BTD: variants seen among roughly 807,000 people sequenced by gnomAD.
BTD encodes the protein biotinidase.
In BTD, 13 loss-of-function variants were observed where a neutral mutation model predicts 17.7. The ratio of observed to expected loss-of-function variants is 0.74; its 90% CI spans 0.48 to 1.17. The LOEUF is 1.17. BTD is among the 50% of genes most tolerant of loss of function. BTD has a pLI of 0.00. For synonymous variants in BTD, 240 were observed against 245.2 expected, an observed-to-expected ratio of 0.98 and a Z score of 0.20; for missense variants, 674 against 650.4, an observed-to-expected ratio of 1.04 and a Z score of -0.39.
At position 15,647,131 on chromosome 3, in the gene BTD, G is replaced by GAAGT. The variant is rs997383450; in HGVS notation, c.*1644_*1647dup. On this transcript the variant is annotated 3_prime_UTR_variant, in exon 4 of 4. Coordinates refer to ENST00000643237, the MANE Select transcript of BTD (RefSeq NM_001370658.1). ...AAGCCTTGGGTTCCCCACGCCCTAG[G>GAAGT]AAGTCCCTCTGGAAGGGGAGCAGGA... is the stretch of plus-strand genomic sequence containing the variant. 6.6e-6 allele frequency: 1 copy of GAAGT among 152,206 alleles called. No homozygotes were observed. The highest frequency in any genetic ancestry group is 2.4e-5 in the African/African-American group (1 of 41,426). 9.4% of individuals were successfully genotyped at this position (152,206 alleles called of 1,614,324 possible).
At chr3:15,685,508 G>T in intron 3 of BTD, 1 of 1,509,670 alleles carries the variant, frequency 6.6e-7, no homozygotes, top group Non-Finnish European at 9.2e-7. Flanking sequence ...GCCAATTTCA[G>T]CTAATTAAAA....
downstream of BTD, among the ~76,000 whole-genome samples, chr3:15,717,422 G>A (rs983174916): frequency 2.0e-5 from 3 of 152,036 alleles, no homozygotes; most frequent in African/African-American, 2.4e-5. Flanking sequence ...ACACGTTAGC[G>A]GGGAGAAGGC....
chr3:15,670,959 T>C (rs534480548), intron 3 of BTD, among the ~76,000 whole-genome samples: 21 of 152,252 alleles, frequency 1.4e-4, no homozygotes, highest in African/African-American at 4.6e-4. Context: ...TAAGAAAAAA[T>C]AAAAAAATTT....
At chr3:15,601,958 C>T in intron 1 of BTD, 64 bp downstream of exon 1, 1 of 1,593,542 alleles carries the variant, frequency 6.3e-7, no homozygotes, top group Non-Finnish European at 8.6e-7. Flanking sequence ...CAGACCCCGC[C>T]CCGGGCGCCC....
intron 3 of BTD, chr3:15,667,187 G>C (rs2066021708): frequency 6.6e-6 from 1 of 152,176 alleles, no homozygotes; most frequent in Admixed American, 6.5e-5. Flanking sequence ...TTCAATGCTA[G>C]ACAGTTTAAG....
chr3:15,614,598 CTTT>C (rs869155456), intron 1 of BTD, among the ~76,000 whole-genome samples: 13 of 125,208 alleles, frequency 1.0e-4, no homozygotes, highest in Admixed American at 2.3e-4. Flanking sequence ...ATATCTTTTT[CTTT>C]TTTTTTTTTT....
chr3:15,614,719 C>T (rs1277786614), intron 1 of BTD, among the ~76,000 whole-genome samples: 2 of 151,780 alleles, frequency 1.3e-5, no homozygotes, highest in Non-Finnish European at 2.9e-5. Flanking sequence ...ACCTTAGCCA[C>T]CCAAGTAGCT....
chr3:15,644,724 G>C lies in BTD; in HGVS notation c.808G>C (p.Val270Leu). 1 of 1,614,204 alleles carries C rather than the reference G, an allele frequency of 6.2e-7. No individual in the cohort carries two copies. The highest frequency in any genetic ancestry group is 1.3e-5 in the African/African-American group (1 of 75,046). Residue 270 changes from valine to leucine, a missense_variant, in exon 4 of 4, where the codon GTT (valine) becomes CTT (leucine). By Grantham distance (32) the Val-to-Leu change is conservative. Transcript: ENST00000643237. ...AATTGAGATTCAGAAAGCTTTTGCT[G>C]TTGCCTTTGGCATCAACGTTCTGGC... ...AAIEIQKAFAVAFGINVLAAN... is the reference protein window; with the variant it reads ...AAIEIQKAFALAFGINVLAAN...
At chr3:15,675,654 G>A (rs140953006) in intron 3 of BTD, among the ~76,000 whole-genome samples, 339 of 152,304 alleles carry the variant, frequency 2.2e-3, no homozygotes, top group African/African-American at 7.8e-3. Flanking sequence ...ACAACAGAAA[G>A]TGGCAAGTAT....
chr3:15,677,777 A>G (rs2067100170), intron 3 of BTD, among the ~76,000 whole-genome samples: 1 of 152,234 alleles, frequency 6.6e-6, no homozygotes, highest in Non-Finnish European at 1.5e-5. Context: ...AACAATGGCA[A>G]TTAACATTTA....
intron 3 of BTD, chr3:15,690,127 G>A (rs773491288): frequency 1.2e-6 from 2 of 1,611,130 alleles, no homozygotes; most frequent in South Asian, 2.2e-5. Flanking sequence ...AAAGCTGCAA[G>A]ATCTAGGGGT....
In BTD at chr3:15,645,515, C is replaced by T; in HGVS notation, c.*27C>T. Reference sequence around the variant, plus strand: ...AAAAGTGTGTGGTCTGTGGGGCGGACTCTGGCCATCATGTTGACAGCCTTG... The same window carrying T: ...AAAAGTGTGTGGTCTGTGGGGCGGATTCTGGCCATCATGTTGACAGCCTTG... On this transcript the variant is annotated 3_prime_UTR_variant, in exon 4 of 4. Coordinates refer to ENST00000643237, the MANE Select transcript of BTD (RefSeq NM_001370658.1). 1 of 1,598,512 alleles carries T rather than the reference C, an allele frequency of 6.3e-7. No homozygotes were observed. Among genetic ancestry groups the T allele is most frequent in the Non-Finnish European group, 8.5e-7 (1 of 1,179,158 alleles).
chr3:15,689,561 TTCA>T lies in BTD; in HGVS notation c.400-20497_400-20495del, dbSNP rs901848301. ...CATCTTTTGTGCAGAGGAGCTTCTT[TTCA>T]TGAGAGCAGGACAGTTTTAATGACT... On this transcript the variant is annotated intron_variant, in intron 3 of 3. Transcript: ENST00000672141. Among the ~76,000 whole-genome samples, 20 of 152,326 alleles carry T rather than the reference TTCA, an allele frequency of 1.3e-4. No homozygotes were observed. In the South Asian group the frequency reaches 1.7e-3, roughly 13 times the overall value.
At chr3:15,614,490 T>A (rs557590338) in intron 1 of BTD, among the ~76,000 whole-genome samples, 2 of 152,262 alleles carry the variant, frequency 1.3e-5, no homozygotes, top group South Asian at 4.2e-4. Flanking sequence ...TCATCTTCTT[T>A]TTTTCCCTTT....
chr3:15,700,751 C>T lies in BTD; in HGVS notation c.400-9309C>T, dbSNP rs183433587. Among the ~76,000 whole-genome samples, 13 of 151,920 alleles carry T rather than the reference C, an allele frequency of 8.6e-5. No homozygotes were observed. In the East Asian group the frequency reaches 1.5e-3, roughly 18 times the overall value. On this transcript the variant is annotated intron_variant, in intron 3 of 3. Transcript: ENST00000672141. ...ATCGCGCCACTGCACTCCAGCCTGG[C>T]GACAGAGTGAGACTGCAAAAGAAAC...
chr3:15,677,751 A>G (rs2067094521), intron 3 of BTD: 2 of 460,460 alleles, frequency 4.3e-6, no homozygotes, highest in Admixed American at 3.6e-5. Flanking sequence ...ATATTGTTGT[A>G]TAAGTCACAC....
chr3:15,655,964 G>A (rs2065867227), downstream of BTD, among the ~76,000 whole-genome samples: 1 of 151,896 alleles, frequency 6.6e-6, no homozygotes, highest in African/African-American at 2.4e-5. Flanking sequence ...CACCATGTCT[G>A]GCTAATTTTT....
chr3:15,681,651 T>C (rs2067558612), intron 3 of BTD, among the ~76,000 whole-genome samples: 1 of 152,236 alleles, frequency 6.6e-6, no homozygotes, highest in African/African-American at 2.4e-5. Flanking sequence ...GCTTAAACTT[T>C]ACCCTATAAT....
intron 3 of BTD, among the ~76,000 whole-genome samples, chr3:15,694,113 G>A (rs1208483931): frequency 6.6e-6 from 1 of 152,046 alleles, no homozygotes; most frequent in Non-Finnish European, 1.5e-5. Context: ...TGTACAGGAA[G>A]CTAGATTAGG....
Sources: gnomAD v4.1 joint callset for allele counts (sites outside exome capture counted in the v4.1 genomes callset) on GRCh38, gnomAD v4.1.1 for gene constraint, MANE v1.5 for transcripts, NCBI Gene and HGNC (gene_info 2026-07-23, HGNC 2026-07-21) for gene names.